PNPLA4: variants seen among roughly 807,000 people sequenced by gnomAD.
PNPLA4 encodes the protein patatin-like phospholipase domain-containing protein 4.
A neutral mutation model predicts 18.3 loss-of-function variants in PNPLA4; 15 were observed. The observed-to-expected ratio is 0.82, with a 90% CI of 0.55 to 1.26. The LOEUF (loss-of-function observed/expected upper bound fraction) is 1.26, where lower values mean the gene tolerates loss of function less well. Ranked by LOEUF, PNPLA4 falls within the 50% of genes most tolerant of loss-of-function variation. PNPLA4 has a pLI of 0.00. For synonymous variants in PNPLA4, 88 were observed against 85.6 expected, an observed-to-expected ratio of 1.03 and a Z score of -0.16; for missense variants, 229 against 196.8, an observed-to-expected ratio of 1.16 and a Z score of -0.98.
At chrX:7,921,379 C>T (rs1168128236) in intron 4 of PNPLA4, among the ~76,000 whole-genome samples, 3 of 112,317 alleles carry the variant, frequency 2.7e-5, no homozygotes, top group Non-Finnish European at 5.6e-5. Context: ...CCTACATACA[C>T]TCCAAAGTAT....
chrX:7,901,779 G>A (rs1461051405), intron 6 of PNPLA4, among the ~76,000 whole-genome samples: 1 of 111,540 alleles, frequency 9.0e-6, no homozygotes, highest in Non-Finnish European at 1.9e-5. Flanking sequence ...GGGCAACCTA[G>A]TGAAACCCTG....
chrX:7,921,415 T>C (rs1178741741), intron 4 of PNPLA4, among the ~76,000 whole-genome samples: 2 of 112,209 alleles, frequency 1.8e-5, no homozygotes, highest in African/African-American at 3.2e-5. Flanking sequence ...CAGGAATTAT[T>C]ATTGCTACTA....
chrX:7,903,049 A>G (rs974961828), intron 5 of PNPLA4, among the ~76,000 whole-genome samples: 8 of 111,986 alleles, frequency 7.1e-5, no homozygotes, highest in Admixed American at 6.6e-4. Flanking sequence ...CAAAAAAACA[A>G]AAAGTCTGGT....
Position 7,911,406 on chromosome X carries a change from G to A in PNPLA4, c.477+622C>T, listed in dbSNP as rs191657535. 1.8e-3 allele frequency among the ~76,000 whole-genome samples: 202 copies of A among 111,556 alleles called. 1 individual carries two copies. The highest frequency in any genetic ancestry group is 5.6e-3 in the East Asian group (20 of 3,557). On this transcript the variant is annotated intron_variant, in intron 5 of 6. Coordinates refer to ENST00000381042, the MANE Select transcript of PNPLA4 (RefSeq NM_004650.3). ...GGTGAATACTCAAAACAAACTCTGT[G>A]TAGATCACAGAAGGAAGCTGGGTCA...
chrX:7,925,165 C>A (rs1182635478), intron 2 of PNPLA4, among the ~76,000 whole-genome samples: 1 of 112,429 alleles, frequency 8.9e-6, no homozygotes, highest in African/African-American at 3.2e-5. Flanking sequence ...CACAAAAGAT[C>A]TGAAATGAGA....
intron 5 of PNPLA4, among the ~76,000 whole-genome samples, chrX:7,904,143 A>C (rs1386134804): frequency 8.9e-6 from 1 of 112,167 alleles, no homozygotes; most frequent in Non-Finnish European, 1.9e-5. Context: ...ATTATTTCAT[A>C]TTGTCAACAG....
At chrX:7,904,426 CT>C (rs1478384914) in intron 5 of PNPLA4, among the ~76,000 whole-genome samples, 3 of 111,884 alleles carry the variant, frequency 2.7e-5, no homozygotes, top group Admixed American at 9.5e-5. Flanking sequence ...TATCAAATCA[CT>C]TGATTAAACT....
intron 2 of PNPLA4, among the ~76,000 whole-genome samples, chrX:7,925,539 AT>A (rs3214261): frequency 1.8e-5 from 2 of 112,301 alleles, no homozygotes; most frequent in East Asian, 5.6e-4. Context: ...GCATGCCCAC[AT>A]TTTAATTTAT....
At position 7,899,422 on chromosome X, in the gene PNPLA4, G is replaced by T. The variant is rs1923443630; in HGVS notation, c.*1264C>A. 9.1e-6 allele frequency: 1 copy of T among 110,455 alleles called. No individual in the cohort carries two copies. The highest frequency in any genetic ancestry group is 1.9e-5 in the Non-Finnish European group (1 of 52,959). The allele number at this position is 110,455 out of a possible 1,213,427, so 9.1% of individuals were successfully genotyped here. A position where few individuals can be genotyped will look rare whatever the true frequency, so the allele number is the denominator to read the frequency against. ...ACAAGCCCATACACAAGTCCTCAAAGTGATGGACAACTACTCAGAAAGTAA... is the reference window on the plus strand; with the variant it reads ...ACAAGCCCATACACAAGTCCTCAAATTGATGGACAACTACTCAGAAAGTAA... On this transcript the variant is annotated 3_prime_UTR_variant, in exon 7 of 7. Coordinates refer to ENST00000381042, the MANE Select transcript of PNPLA4 (RefSeq NM_004650.3).
At chrX:7,914,867 ATCC>A (rs1306033231) in intron 4 of PNPLA4, among the ~76,000 whole-genome samples, 1 of 112,185 alleles carries the variant, frequency 8.9e-6, no homozygotes, top group Admixed American at 9.4e-5. Context: ...AACAGTAAGA[ATCC>A]TCCTAAATGA....
intron 2 of PNPLA4, 79 bp from the exon 3 acceptor site, chrX:7,922,177 T>C (rs1429160815): frequency 4.3e-6 from 3 of 696,361 alleles, no homozygotes; most frequent in Admixed American, 2.7e-5. Flanking sequence ...TGGGATTCTA[T>C]AGACCCAACA....
chrX:7,902,636 G>A (rs1482784112), intron 5 of PNPLA4, among the ~76,000 whole-genome samples: 1 of 112,141 alleles, frequency 8.9e-6, no homozygotes, highest in Non-Finnish European at 1.9e-5. Context: ...GAAGCCATAA[G>A]GAATGGGAGT....
At position 7,903,331 on chromosome X, in the gene PNPLA4, G is replaced by A. The variant is rs886140085; in HGVS notation, c.478-1190C>T. 6.6e-5 allele frequency among the ~76,000 whole-genome samples: 7 copies of A among 106,856 alleles called. No individual in the cohort carries two copies. The South Asian group carries it at 2.5e-3, about 38-fold the overall frequency. The allele number at this position is 106,856 out of a possible 115,157, so 92.8% of individuals were successfully genotyped here. ...ATTTATTTATTTGAGACAGAGTCTC[G>A]CTCTGTCGCCCAGGCTGGAGTGCAG... On this transcript the variant is annotated intron_variant, in intron 5 of 6. Transcript: ENST00000381042.
rs745714491 is a variant in PNPLA4, at chrX:7,903,392, C to G, written c.478-1251G>C. On this transcript the variant is annotated intron_variant, in intron 5 of 6. Coordinates refer to ENST00000381042, the MANE Select transcript of PNPLA4 (RefSeq NM_004650.3). ...TCAGCTCACTGCAAGCTCCGCCTCCCAGGTTCACGCCATTCTCCTGCCTCA... is the reference window on the plus strand; with the variant it reads ...TCAGCTCACTGCAAGCTCCGCCTCCGAGGTTCACGCCATTCTCCTGCCTCA... 2.7e-5 allele frequency among the ~76,000 whole-genome samples: 3 copies of G among 110,337 alleles called. No homozygotes were observed. The South Asian group carries it at 1.2e-3, about 43-fold the overall frequency.
rs1447928695 is a variant in PNPLA4 at position 7,899,410 on chromosome X, C to G, written c.*1276G>C. 1.4e-4 allele frequency: 16 copies of G among 110,411 alleles called. No homozygotes were observed. Among genetic ancestry groups the G allele is most frequent in the African/African-American group, 5.3e-4 (16 of 30,280 alleles). 9.1% of individuals were successfully genotyped at this position (110,411 alleles called of 1,213,427 possible). ...CAGTAAATTGGTACAAGCCCATACA[C>G]AAGTCCTCAAAGTGATGGACAACTA... On this transcript the variant is annotated 3_prime_UTR_variant, in exon 7 of 7. Transcript: ENST00000381042.
intron 2 of PNPLA4, among the ~76,000 whole-genome samples, chrX:7,922,905 A>AT (rs1569108020): frequency 8.9e-6 from 1 of 112,012 alleles, no homozygotes; most frequent in Non-Finnish European, 1.9e-5. Flanking sequence ...CATGAGAGTC[A>AT]TAAGTGCCTC....
At chrX:7,916,364 C>T (rs1924045053) in intron 4 of PNPLA4, among the ~76,000 whole-genome samples, 1 of 111,061 alleles carries the variant, frequency 9.0e-6, no homozygotes, top group Non-Finnish European at 1.9e-5. Context: ...AGTTGGTATG[C>T]AAAATGCACA....
At chrX:7,902,994 T>C (rs772321784) in intron 5 of PNPLA4, among the ~76,000 whole-genome samples, 32 of 111,872 alleles carry the variant, frequency 2.9e-4, no homozygotes, top group Non-Finnish European at 5.3e-4. Context: ...AACACCCAAA[T>C]TGTCTAAGTT....
At chrX:7,912,492 T>A (rs1296288561) in intron 4 of PNPLA4, among the ~76,000 whole-genome samples, 1 of 112,092 alleles carries the variant, frequency 8.9e-6, no homozygotes, top group Non-Finnish European at 1.9e-5. Flanking sequence ...GCCCTCCGAT[T>A]ATGACAGGAG....
Sources: allele counts gnomAD v4.1 joint callset (sites outside exome capture counted in the v4.1 genomes callset), GRCh38; gene constraint gnomAD v4.1.1; transcripts MANE v1.5; gene names NCBI Gene and HGNC (gene_info 2026-07-23, HGNC 2026-07-21).